DAB2: variants seen among roughly 807,000 people sequenced by gnomAD.
DAB2 encodes the protein disabled homolog 2.
A neutral mutation model predicts 71.6 loss-of-function variants in DAB2; 28 were observed. The observed-to-expected ratio is 0.39, with a 90% CI of 0.29 to 0.54. The LOEUF is 0.54. DAB2 is among the 20% of genes least tolerant of loss of function. The pLI is 0.68. For missense variants in DAB2, 867 were observed against 928.8 expected, an observed-to-expected ratio of 0.93 and a Z score of 0.86; for synonymous variants, 345 against 339.7, an observed-to-expected ratio of 1.02 and a Z score of -0.17.
Position 39,422,971 on chromosome 5 carries a change from C to A in DAB2, c.-102+1833G>T, listed in dbSNP as rs1756023500. ...AAGTGCTTTCTTCCCTCACTTACAT[C>A]CTCAGGTAAAGATCAACCATCAAGA... On this transcript the variant is annotated intron_variant, in intron 1 of 14. Coordinates refer to ENST00000320816, the MANE Select transcript of DAB2 (RefSeq NM_001343.4). The surrounding 1 kb of genome is among the most constrained non-coding windows in gnomAD (Gnocchi z 4.1). Among the ~76,000 whole-genome samples the A allele has an allele frequency of 6.6e-6, 1 of 152,148 alleles. No individual in the cohort carries two copies. The highest frequency in any genetic ancestry group is 1.5e-5 in the Non-Finnish European group (1 of 68,024).
chr5:39,401,724 G>T (rs1207701305), intron 1 of DAB2, among the ~76,000 whole-genome samples: 2 of 108,408 alleles, frequency 1.8e-5, no homozygotes, highest in African/African-American at 7.9e-5. Flanking sequence ...ACATACCTGA[G>T]ACTGGGTTAT....
Position 39,376,967 on chromosome 5 carries a change from T to C in DAB2, c.1820A>G (p.Gln607Arg). ...GAGAGAGGAGTGCATGGATGGGGGCTGAGTGGACACAGCAGGAGCTGGAAA... is the reference window on the plus strand; with the variant it reads ...GAGAGAGGAGTGCATGGATGGGGGCCGAGTGGACACAGCAGGAGCTGGAAA... ...NIFPAPAVST[Q>R]PPSMHSSLLV... The change falls in exon 12 of 15, where the codon CAG becomes CGG. Residue 607 changes from glutamine (Q) to arginine (R), a missense_variant. By Grantham distance (43) the Gln-to-Arg change is conservative (BLOSUM62 1). Transcript: ENST00000320816. The C allele has an allele frequency of 6.2e-7, 1 of 1,614,088 alleles. No individual in the cohort carries two copies. The highest frequency in any genetic ancestry group is 1.3e-5 in the African/African-American group (1 of 75,018).
intron 9 of DAB2, among the ~76,000 whole-genome samples, chr5:39,383,819 T>G (rs1755035778): frequency 6.6e-6 from 1 of 152,214 alleles, no homozygotes; most frequent in Non-Finnish European, 1.5e-5. Flanking sequence ...GTTCTGGCTG[T>G]GATGAAATTT....
intron 1 of DAB2, among the ~76,000 whole-genome samples, chr5:39,401,016 A>C (rs1223286185): frequency 2.0e-5 from 3 of 152,352 alleles, no homozygotes; most frequent in African/African-American, 7.2e-5. Context: ...CTTTAAGAAT[A>C]GGGGTCATTA....
At chr5:39,393,760 C>T (rs1755291380) in intron 2 of DAB2, among the ~76,000 whole-genome samples, 1 of 152,000 alleles carries the variant, frequency 6.6e-6, no homozygotes, top group African/African-American at 2.4e-5. Flanking sequence ...AATAAGCTGC[C>T]AAGCAATTTA....
intron 1 of DAB2, among the ~76,000 whole-genome samples, chr5:39,400,964 A>G (rs986802223): frequency 2.6e-5 from 4 of 152,226 alleles, no homozygotes; most frequent in East Asian, 3.8e-4. Flanking sequence ...TCGGGGTCCA[A>G]GAGGGCAGCA....
At chr5:39,419,412 G>A (rs1484617973) in intron 1 of DAB2, among the ~76,000 whole-genome samples, 2 of 152,170 alleles carry the variant, frequency 1.3e-5, no homozygotes, top group Non-Finnish European at 2.9e-5. Flanking sequence ...ACCACTTAAT[G>A]ATAACACCTT....
chr5:39,381,487 C>G lies in DAB2; in HGVS notation c.1471G>C (p.Ala491Pro). 6.2e-7 allele frequency: 1 copy of G among 1,614,038 alleles called. No individual in the cohort carries two copies. The highest frequency in any genetic ancestry group is 8.5e-7 in the Non-Finnish European group (1 of 1,179,962). ...PNPLDLFKTSAPAPVGPLVGL... is the reference protein window; with the variant it reads ...PNPLDLFKTSPPAPVGPLVGL... ...ACCAGGGGCCCCACTGGGGCAGGAG[C>G]ACTTGTTTTGAAGAGATCCAGAGGG... Residue 491 changes from alanine to proline, a missense_variant, in exon 11 of 15, where the codon GCT becomes CCT. Ala to Pro is a conservative substitution (Grantham distance 27). Transcript: ENST00000320816.
intron 2 of DAB2, 70 bp downstream of exon 2, chr5:39,394,160 G>T: frequency 7.9e-7 from 1 of 1,265,602 alleles, no homozygotes; most frequent in Non-Finnish European, 1.2e-6. Context: ...ACTTTATTCT[G>T]AATCTCACAT....
chr5:39,402,914 C>T (rs1267749702), intron 1 of DAB2, among the ~76,000 whole-genome samples: 1 of 152,154 alleles, frequency 6.6e-6, no homozygotes, highest in East Asian at 1.9e-4. Context: ...ATGCCTACGT[C>T]ATTATCACGG....
At chr5:39,376,343 G>A (rs771357389) in intron 12 of DAB2, among the ~76,000 whole-genome samples, 72 of 152,234 alleles carry the variant, frequency 4.7e-4, no homozygotes, top group Middle Eastern at 3.4e-3. Flanking sequence ...AAGCTGATGG[G>A]ACATGGATGA....
Position 39,381,631 on chromosome 5 carries a change from A to C in DAB2, c.1342-15T>G. The C allele has an allele frequency of 6.2e-7, 1 of 1,613,596 alleles. No homozygotes were observed. The highest frequency in any genetic ancestry group is 8.5e-7 in the Non-Finnish European group (1 of 1,179,782). On this transcript the variant is annotated splice_polypyrimidine_tract_variant and intron_variant, in intron 10 of 14. Transcript: ENST00000320816. ...TTGGCTGAAGACTGACAGGACAGGG[A>C]GGGAGGGAGAAGCCTTAGTTACTCA...
intron 4 of DAB2, 151 bp from the exon 5 acceptor site, chr5:39,390,726 G>A: frequency 3.7e-6 from 2 of 546,320 alleles, no homozygotes; most frequent in Non-Finnish European, 3.1e-6. Context: ...GAAGGCTAGA[G>A]CATTACTCTT....
At chr5:39,423,347 C>T (rs1199068113) in intron 1 of DAB2, among the ~76,000 whole-genome samples, 2 of 950 alleles carry the variant, frequency 2.1e-3, no homozygotes, top group Non-Finnish European at 5.7e-3. Context: ...CAAATACTCC[C>T]GAATTCTCAA....
At chr5:39,423,578 T>C (rs1756036527) in intron 1 of DAB2, 1 of 152,198 alleles carries the variant, frequency 6.6e-6, no homozygotes, top group Non-Finnish European at 1.5e-5. Context: ...CTCAAGACTG[T>C]AAGGACAATC....
chr5:39,376,904 G>T lies in DAB2; in HGVS notation c.1883C>A (p.Pro628His). The change falls in exon 12 of 15, where the codon CCT becomes CAT. Residue 628 changes from proline to histidine, a missense_variant. Pro to His is a moderately conservative substitution (Grantham distance 77). Around this residue, in one of 2 missense-constraint regions of DAB2, gnomAD observed 740 missense variants for 734.3 expected, o/e 1.01. Coordinates refer to ENST00000320816, the MANE Select transcript of DAB2 (RefSeq NM_001343.4). The part of the protein sequence containing the change: ...TPPQPPPRAG[P>H]PKDISSDAFT... Reference sequence around the variant, plus strand: ...GGCATCACTGGAGATGTCCTTGGGAGGGCCAGCTCTGGGAGGTGGCTGAGG... The same window carrying T: ...GGCATCACTGGAGATGTCCTTGGGATGGCCAGCTCTGGGAGGTGGCTGAGG... The T allele has an allele frequency of 6.2e-7, 1 of 1,614,144 alleles. No homozygotes were observed. The highest frequency in any genetic ancestry group is 8.5e-7 in the Non-Finnish European group (1 of 1,180,004).
chr5:39,386,503 A>G (rs759996329), intron 9 of DAB2, among the ~76,000 whole-genome samples: 3 of 152,134 alleles, frequency 2.0e-5, no homozygotes, highest in Non-Finnish European at 4.4e-5. Flanking sequence ...ACATAATTAG[A>G]TCTGTTAGCC....
rs1755001052 is a variant in DAB2 at position 39,382,488 on chromosome 5, C to G, written c.1341+130G>C. On this transcript the variant is annotated intron_variant, in intron 10 of 14. Coordinates refer to ENST00000320816, the MANE Select transcript of DAB2 (RefSeq NM_001343.4). ...AAAGTACTCCTGGAGAACCAAAGTG[C>G]CTTATCCCACCTTCTATTTCACAGC... 3 of 1,018,376 alleles carry G rather than the reference C, an allele frequency of 2.9e-6. No individual in the cohort carries two copies. The South Asian group carries it at 4.9e-5, about 17-fold the overall frequency. 63.1% of individuals were successfully genotyped at this position (1,018,376 alleles called of 1,614,324 possible).
At chr5:39,414,566 T>C (rs1409706208) in intron 1 of DAB2, among the ~76,000 whole-genome samples, 3 of 152,150 alleles carry the variant, frequency 2.0e-5, no homozygotes, top group East Asian at 1.9e-4. Flanking sequence ...AATACTCCAT[T>C]GGTAGAAGTT....
Sources: gnomAD v4.1 joint callset for allele counts (sites outside exome capture counted in the v4.1 genomes callset) on GRCh38, gnomAD v4.1.1 for gene constraint, gnomAD v4.1.1 regional missense constraint, Gnocchi (gnomAD v3.1) non-coding constraint, MANE v1.5 for transcripts, NCBI Gene and HGNC (gene_info 2026-07-23, HGNC 2026-07-21) for gene names.